The following SOCS7 variants were observed in gnomAD, a reference collection of about 807,000 sequenced individuals.
SOCS7 encodes the protein suppressor of cytokine signaling 7, also known as NAP-4.
SOCS7 carries 18 observed loss-of-function variants against 58.9 expected under a neutral mutation model. The observed-to-expected ratio is 0.31, with a 90% confidence interval of 0.21 to 0.45. SOCS7 has a LOEUF of 0.45. SOCS7 is among the 20% of genes least tolerant of loss of function. The probability of loss-of-function intolerance (pLI) is 1.00; values close to 1 mark genes in which losing one functional copy is unlikely to be tolerated. For missense variants in SOCS7, 667 were observed against 837.3 expected (o/e 0.80, Z 2.51); for synonymous variants, 388 against 364.3 (o/e 1.06, Z -0.74).
At chr17:38,391,883 C>T (rs934264594) in intron 7 of SOCS7, among the ~76,000 whole-genome samples, 1 of 152,146 alleles carries the variant, frequency 6.6e-6, no homozygotes, top group Admixed American at 6.5e-5. Context: ...TTTGGTGTGG[C>T]AGAAAGACAT....
intron 6 of SOCS7, among the ~76,000 whole-genome samples, chr17:38,373,114 A>AG (rs900645423): frequency 4.5e-4 from 68 of 152,000 alleles, no homozygotes; most frequent in Non-Finnish European, 8.2e-4. Context: ...CTCAAAAAAA[A>AG]AAAAGAAAAG....
chr17:38,395,444 A>G lies in SOCS7; in HGVS notation c.1817A>G (p.Lys606Arg), dbSNP rs781257536. ...CACATCCCAGATCTCCCACTGCCTA[A>G]GTACAATGGGGTTGTCAGGTTTGGG... ...IDHIPDLPLPKPLISYIRKFY... is the reference protein window; with the variant it reads ...IDHIPDLPLPRPLISYIRKFY... The change falls in exon 8 of 10, where the codon AAA becomes AGA. Residue 606 changes from lysine (K) to arginine (R), a missense_variant and splice_region_variant. By Grantham distance (26) the Lys-to-Arg change is conservative. Around this residue, in one of 9 missense-constraint regions of SOCS7, gnomAD observed 40 missense variants for 45.6 expected, o/e 0.88. Coordinates refer to ENST00000612932, the MANE Select transcript of SOCS7 (RefSeq NM_014598.4). 4 of 1,613,196 alleles carry G rather than the reference A, an allele frequency of 2.5e-6. No individual in the cohort carries two copies. The highest frequency in any genetic ancestry group is 3.4e-6 in the Non-Finnish European group (4 of 1,179,228).
In SOCS7 at chr17:38,405,239, A is replaced by C. The variant is rs2038376335; in HGVS notation, c.*5757A>C. The C allele has an allele frequency of 6.6e-6, 1 of 151,698 alleles. No homozygotes were observed. The highest frequency in any genetic ancestry group is 6.6e-5 in the Admixed American group (1 of 15,222). The allele number at this position is 151,698 out of a possible 1,614,324, so 9.4% of individuals were successfully genotyped here. On this transcript the variant is annotated 3_prime_UTR_variant, in exon 10 of 10. Coordinates refer to ENST00000612932, the MANE Select transcript of SOCS7 (RefSeq NM_014598.4). ...GGGGTGGGAGGGGTCTGAGGGTGGG[A>C]TGGGGAAAGGGAAAGAGGTTTTGAT...
chr17:38,358,852 GTTTTTC>G (rs1555567187), intron 1 of SOCS7, among the ~76,000 whole-genome samples: 1 of 151,922 alleles, frequency 6.6e-6, no homozygotes, highest in East Asian at 1.9e-4. Context: ...GGATTCAGAT[GTTTTTC>G]TTTTTCTAGA....
chr17:38,389,066 G>A (rs530506615), intron 7 of SOCS7, among the ~76,000 whole-genome samples: 1 of 152,238 alleles, frequency 6.6e-6, no homozygotes, highest in East Asian at 1.9e-4. Context: ...CAAAACAATT[G>A]CACCCAAGAT....
Position 38,352,845 on chromosome 17 carries a change from C to T in SOCS7, c.793C>T (p.Leu265Phe). Reference protein sequence around the residue: ...PPPPPGPLRPLAGPSRKGSFK... With the variant: ...PPPPPGPLRPFAGPSRKGSFK... ...GCCTCCTCCCGGGCCCCTCCGGCCA[C>T]TCGCGGGTCCTTCTCGGAAGGGCTC... is the stretch of plus-strand genomic sequence containing the variant. Residue 265 changes from leucine to phenylalanine, a missense_variant, in exon 1 of 10, where the codon CTC becomes TTC. By Grantham distance (22) the Leu-to-Phe change is conservative. Transcript: ENST00000612932. This position sits in a 1 kb window ranked among gnomAD's most constrained non-coding sequence, Gnocchi z 5.5. 2 of 1,578,172 alleles carry T rather than the reference C, an allele frequency of 1.3e-6. No homozygotes were observed. The highest frequency in any genetic ancestry group is 1.7e-6 in the Non-Finnish European group (2 of 1,162,320).
At chr17:38,365,438 A>G in intron 4 of SOCS7, 29 bp downstream of exon 4, 1 of 1,468,628 alleles carries the variant, frequency 6.8e-7, no homozygotes, top group Non-Finnish European at 9.4e-7. Flanking sequence ...CAAGACTTGT[A>G]AGAGTTGGGA....
At chr17:38,366,934 T>C (rs963649029) in intron 5 of SOCS7, among the ~76,000 whole-genome samples, 1 of 152,264 alleles carries the variant, frequency 6.6e-6, no homozygotes, top group Non-Finnish European at 1.5e-5. Flanking sequence ...ATAAAGGTTG[T>C]TGGAGAAATG....
intron 7 of SOCS7, among the ~76,000 whole-genome samples, chr17:38,389,808 A>G (rs957887176): frequency 4.0e-5 from 3 of 75,812 alleles, no homozygotes; most frequent in African/African-American, 1.2e-4. Flanking sequence ...CATTAGGTCT[A>G]CTATCCGTTT....
chr17:38,384,859 G>C (rs2144375753), intron 7 of SOCS7, among the ~76,000 whole-genome samples: 1 of 150,472 alleles, frequency 6.6e-6, no homozygotes, highest in African/African-American at 2.5e-5. Flanking sequence ...CCAAAGTGCT[G>C]GGATTACAGG....
At chr17:38,365,566 G>C in intron 4 of SOCS7, 157 bp downstream of exon 4, 2 of 475,508 alleles carry the variant, frequency 4.2e-6, no homozygotes, top group Non-Finnish European at 7.2e-6. Flanking sequence ...TAGAAATGAG[G>C]CGGAGAACTG....
At chr17:38,371,394 C>T (rs1210010057) in intron 6 of SOCS7, among the ~76,000 whole-genome samples, 1 of 152,126 alleles carries the variant, frequency 6.6e-6, no homozygotes, top group East Asian at 1.9e-4. Flanking sequence ...CCTGCCTCAG[C>T]CTCCTGAGTA....
chr17:38,396,886 CCTTTGGAAATGACTAA>C, intron 9 of SOCS7, among the ~76,000 whole-genome samples: 1 of 151,934 alleles, frequency 6.6e-6, no homozygotes, highest in African/African-American at 2.4e-5. Flanking sequence ...AAATTGTATG[CCTTTGGAAATGACTAA>C]ATATCTAATG....
At position 38,352,027 on chromosome 17, in the gene SOCS7, C is replaced by G. The variant is rs1243840582; in HGVS notation, c.-26C>G. On this transcript the variant is annotated 5_prime_UTR_variant, in exon 1 of 10. Transcript: ENST00000612932. The surrounding 1 kb of genome is among the most constrained non-coding windows in gnomAD (Gnocchi z 5.5). ...GTCCCCACCCCAGCCCGGCTCCCAG[C>G]CGCCCGCCCTCCCTCCCTCTCCCCG... Among the ~76,000 whole-genome samples the G allele has an allele frequency of 6.6e-6, 1 of 151,140 alleles. No individual in the cohort carries two copies. The highest frequency in any genetic ancestry group is 2.4e-5 in the African/African-American group (1 of 41,310).
chr17:38,395,066 G>A (rs978742846), intron 7 of SOCS7, among the ~76,000 whole-genome samples: 1 of 151,942 alleles, frequency 6.6e-6, no homozygotes, highest in Non-Finnish European at 1.5e-5. Flanking sequence ...CAAAACAAAA[G>A]ACACACAAAA....
At chr17:38,379,124 C>T (rs527627060) in intron 7 of SOCS7, among the ~76,000 whole-genome samples, 28 of 148,822 alleles carry the variant, frequency 1.9e-4, no homozygotes, top group Middle Eastern at 3.4e-3. Flanking sequence ...CGTCACTGCA[C>T]TCCAGCCTGG....
chr17:38,377,937 CT>C (rs1292413651), intron 7 of SOCS7, 95 bp downstream of exon 7: 20 of 1,219,792 alleles, frequency 1.6e-5, no homozygotes, highest in Non-Finnish European at 1.8e-5. Flanking sequence ...CATGGTTAAG[CT>C]TTTTTTCCCT....
intron 7 of SOCS7, among the ~76,000 whole-genome samples, chr17:38,391,545 A>C (rs1354930053): frequency 6.6e-6 from 1 of 151,888 alleles, no homozygotes; most frequent in Non-Finnish European, 1.5e-5. Flanking sequence ...TGTGCACCAC[A>C]ATGCCTGGCT....
chr17:38,362,654 G>A (rs924713687), intron 2 of SOCS7, among the ~76,000 whole-genome samples: 1 of 152,230 alleles, frequency 6.6e-6, no homozygotes, highest in Non-Finnish European at 1.5e-5. Context: ...TTGCAGCTGG[G>A]TAGACTGCTG....
Sources: allele counts gnomAD v4.1 joint callset (sites outside exome capture counted in the v4.1 genomes callset), GRCh38; gene constraint gnomAD v4.1.1; regional missense constraint gnomAD v4.1.1; non-coding constraint Gnocchi (gnomAD v3.1); transcripts MANE v1.5; gene names NCBI Gene and HGNC (gene_info 2026-07-23, HGNC 2026-07-21).